Variants in ITIH3 observed in about 807,000 individuals in gnomAD.
ITIH3 encodes the protein inter-alpha-trypsin inhibitor heavy chain H3.
A neutral mutation model predicts 96.5 loss-of-function variants in ITIH3; 81 were observed. The observed-to-expected ratio is 0.84, with a 90% CI of 0.70 to 1.01. ITIH3 has a LOEUF of 1.01. ITIH3 is among the 50% of genes least tolerant of loss of function. The pLI is 0.00. For synonymous variants in ITIH3, 422 were observed against 445.2 expected (o/e 0.95, Z 0.66); for missense variants, 1,057 against 1,139.3 (o/e 0.93, Z 1.04).
chr3:52,802,260 C>A, intron 11 of ITIH3, 74 bp from the exon 12 acceptor site: 1 of 1,499,194 alleles, frequency 6.7e-7, no homozygotes, highest in Non-Finnish European at 9.1e-7. Flanking sequence ...AGCCCTGGGG[C>A]ATGGATGCCC....
chr3:52,799,519 C>T (rs780581349), intron 8 of ITIH3, 31 bp downstream of exon 8: 39 of 1,511,134 alleles, frequency 2.6e-5, no homozygotes, highest in African/African-American at 5.6e-5. Flanking sequence ...AGCCAGGGCT[C>T]GGGGTAGTAG....
At position 52,802,686 on chromosome 3, in the gene ITIH3, T is replaced by G. The variant is rs760778569; in HGVS notation, c.1589T>G (p.Phe530Cys). Residue 530 changes from phenylalanine (F) to cysteine (C), a missense_variant, in exon 13 of 22, where the codon TTC (phenylalanine) becomes TGC (cysteine). Phe to Cys is a radical substitution (Grantham distance 205). Coordinates refer to ENST00000449956, the MANE Select transcript of ITIH3 (RefSeq NM_002217.4). The stretch of plus-strand genomic sequence containing the variant: ...CCCTAGGCCACCAACGACCTGACCT[T>G]CACAGAGGAGGTGGACATGAAGGAG... Reference protein sequence around the residue: ...KGHGATNDLTFTEEVDMKEME... With the variant: ...KGHGATNDLTCTEEVDMKEME... The G allele has an allele frequency of 1.1e-5, 17 of 1,613,724 alleles. No homozygotes were observed. In the African/African-American group the frequency reaches 2.1e-4, roughly 20 times the overall value.
chr3:52,802,881 C>A, intron 13 of ITIH3, 75 bp downstream of exon 13: 1 of 1,531,570 alleles, frequency 6.5e-7, no homozygotes, highest in East Asian at 2.3e-5. Flanking sequence ...CATACGCAGT[C>A]CCAGCGGTCC....
chr3:52,805,711 C>A, intron 15 of ITIH3, 97 bp from the exon 16 acceptor site: 1 of 1,570,932 alleles, frequency 6.4e-7, no homozygotes, highest in South Asian at 1.2e-5. Context: ...TGTTGGGGCC[C>A]CTCTGGGGCC....
chr3:52,799,156 G>T, intron 7 of ITIH3, 65 bp downstream of exon 7: 1 of 1,575,552 alleles, frequency 6.3e-7, no homozygotes. Flanking sequence ...GGCTGCAGCT[G>T]GATCTAGTGC....
At position 52,799,745 on chromosome 3, in the gene ITIH3, T is replaced by C. The variant is rs1467323763; in HGVS notation, c.907-8T>C. The C allele has an allele frequency of 6.2e-7, 1 of 1,607,340 alleles. No individual in the cohort carries two copies. The highest frequency in any genetic ancestry group is 8.5e-7 in the Non-Finnish European group (1 of 1,177,424). ...GCGGCTTCTCCCAGCTCTTTGTCTC[T>C]CCTCCAGACAAAGGAGGCCCTTCTC... is the stretch of plus-strand genomic sequence containing the variant. On this transcript the variant is annotated splice_polypyrimidine_tract_variant and splice_region_variant and intron_variant, in intron 8 of 21. Transcript: ENST00000449956.
At chr3:52,797,599 C>T (rs558109412) in intron 5 of ITIH3, among the ~76,000 whole-genome samples, 22 of 152,328 alleles carry the variant, frequency 1.4e-4, no homozygotes, top group East Asian at 1.3e-3. Context: ...GGTGGAATTT[C>T]GGGCGCATAT....
intron 6 of ITIH3, 29 bp from the exon 7 acceptor site, chr3:52,798,937 G>C: frequency 6.2e-7 from 1 of 1,610,176 alleles, no homozygotes; most frequent in South Asian, 1.1e-5. Context: ...TGGCCGAGCT[G>C]AGCAAGGTCT....
intron 15 of ITIH3, 120 bp downstream of exon 15, chr3:52,804,854 CT>C: frequency 1.8e-6 from 2 of 1,142,140 alleles, no homozygotes; most frequent in South Asian, 1.3e-5. Context: ...GACACCTGGG[CT>C]CAGGCCCAGC....
Position 52,806,279 on chromosome 3 carries a change from T to A in ITIH3, c.1943-14T>A. On this transcript the variant is annotated splice_polypyrimidine_tract_variant and intron_variant, in intron 17 of 21. Coordinates refer to ENST00000449956, the MANE Select transcript of ITIH3 (RefSeq NM_002217.4). ...AGGCCCCGGGAGTCAGCTCCTTCTC[T>A]AATGTGTCACCAGTGGACGGGGATC... 1 of 1,611,894 alleles carries A rather than the reference T, an allele frequency of 6.2e-7. No individual in the cohort carries two copies. The highest frequency in any genetic ancestry group is 8.5e-7 in the Non-Finnish European group (1 of 1,178,368).
Position 52,799,494 on chromosome 3 carries a change from C to A in ITIH3, c.906+6C>A, listed in dbSNP as rs1254829124. 4 of 1,592,074 alleles carry A rather than the reference C, an allele frequency of 2.5e-6. No individual in the cohort carries two copies. Among genetic ancestry groups the A allele is most frequent in the Non-Finnish European group, 3.4e-6 (4 of 1,167,564 alleles). ...CTGGTCGGAAATTAGAGCAGGTAATCAGCACCAGTGGCACAGCCAGGGCTC... is the reference window on the plus strand; with the variant it reads ...CTGGTCGGAAATTAGAGCAGGTAATAAGCACCAGTGGCACAGCCAGGGCTC... On this transcript the variant is annotated splice_donor_region_variant and intron_variant, in intron 8 of 21. Coordinates refer to ENST00000449956, the MANE Select transcript of ITIH3 (RefSeq NM_002217.4).
In ITIH3 at chr3:52,796,649, T is replaced by C. The variant is rs1699592646; in HGVS notation, c.281+2T>C. 1.2e-6 allele frequency: 2 copies of C among 1,611,540 alleles called. No homozygotes were observed. The highest frequency in any genetic ancestry group is 1.7e-6 in the Non-Finnish European group (2 of 1,178,306). ...GGCCTTCATCACCAACTTCACCTTG[T>C]GGGTACCACCATGGCTGCTGGCTCT... On this transcript the variant is annotated splice_donor_variant, in intron 3 of 21. Coordinates refer to ENST00000449956, the MANE Select transcript of ITIH3 (RefSeq NM_002217.4). LOFTEE classifies it high-confidence loss of function.
chr3:52,807,784 T>C lies in ITIH3; in HGVS notation c.2299T>C (p.Ser767Pro). 2 of 1,612,358 alleles carry C rather than the reference T, an allele frequency of 1.2e-6. No homozygotes were observed. The highest frequency in any genetic ancestry group is 1.7e-6 in the Non-Finnish European group (2 of 1,179,302). The change falls in exon 20 of 22, where the codon TCC (serine) becomes CCC (proline). Residue 767 changes from serine (S) to proline (P), a missense_variant. Ser to Pro is a moderately conservative substitution (Grantham distance 74, BLOSUM62 -1). Transcript: ENST00000449956. Reference sequence around the variant, plus strand: ...GATCAACAGGAAGAACATGGTGGTCTCCTTTGGAGATGGGGTTACCTTCGT... The same window carrying C: ...GATCAACAGGAAGAACATGGTGGTCCCCTTTGGAGATGGGGTTACCTTCGT... The part of the protein sequence containing the change: ...MMINRKNMVV[S>P]FGDGVTFVVV...
At chr3:52,804,583 G>C (rs555477255) in intron 14 of ITIH3, 143 bp from the exon 15 acceptor site, 2 of 783,112 alleles carry the variant, frequency 2.6e-6, no homozygotes, top group Admixed American at 2.7e-5. Context: ...TAGTTCCAGG[G>C]GACACCCAGT....
At chr3:52,805,403 G>A (rs1699998807) in intron 15 of ITIH3, 1 of 1,039,088 alleles carries the variant, frequency 9.6e-7, no homozygotes, top group Non-Finnish European at 1.2e-6. Context: ...GCACGCATAT[G>A]TGTGCGCCTG....
At chr3:52,795,908 G>T (rs950098342) in intron 2 of ITIH3, 14 of 454,274 alleles carry the variant, frequency 3.1e-5, no homozygotes, top group African/African-American at 2.8e-4. Context: ...GCTCTGTGAA[G>T]CGGTCCCTGC....
rs948144050 is a variant in ITIH3, at chr3:52,794,832, T to A, written c.29T>A (p.Ile10Asn). 1.2e-6 allele frequency: 2 copies of A among 1,613,974 alleles called. No homozygotes were observed. The highest frequency in any genetic ancestry group is 3.3e-5 in the Admixed American group (2 of 60,026). ...GCATTTGCATGGTGGCCCTGTCTCA[T>A]CTTGGCTCTGCTCTCCAGCTTGGCA... MAFAWWPCL[I>N]LALLSSLAAS... Residue 10 changes from isoleucine (I) to asparagine (N), a missense_variant, in exon 1 of 22, where the codon ATC (isoleucine) becomes AAC (asparagine). Transcript: ENST00000449956.
At chr3:52,797,543 G>A (rs1699638657) in intron 5 of ITIH3, among the ~76,000 whole-genome samples, 1 of 152,236 alleles carries the variant, frequency 6.6e-6, no homozygotes, top group Non-Finnish European at 1.5e-5. Flanking sequence ...GGGCACATGG[G>A]CATTTTTCCT....
intron 6 of ITIH3, 38 bp from the exon 7 acceptor site, chr3:52,798,928 G>GGCCGAGCTGAGCAAGGTCTTT: frequency 6.2e-7 from 1 of 1,607,486 alleles, no homozygotes; most frequent in Non-Finnish European, 8.5e-7. Context: ...GGCAGGCCCT[G>GGCCGAGCTGAGCAAGGTCTTT]GCCGAGCTGA....
Sources: allele counts gnomAD v4.1 joint callset (sites outside exome capture counted in the v4.1 genomes callset), GRCh38; gene constraint gnomAD v4.1.1; transcripts MANE v1.5; gene names NCBI Gene and HGNC (gene_info 2026-07-23, HGNC 2026-07-21).